Variants in FCHO2 observed in about 807,000 individuals in gnomAD.
The protein encoded by FCHO2 is F-BAR domain only protein 2.
A neutral mutation model predicts 114.1 loss-of-function variants in FCHO2; 43 were observed. The observed-to-expected ratio is 0.38, with a 90% CI of 0.30 to 0.49. The LOEUF (loss-of-function observed/expected upper bound fraction) is 0.49. FCHO2 is among the 20% of genes least tolerant of loss of function. The pLI is 0.97. For synonymous variants in FCHO2, 293 were observed against 315.2 expected (o/e 0.93, Z 0.75); for missense variants, 807 against 950.4 (o/e 0.85, Z 1.98).
At chr5:73,048,088 G>T (rs1561476549) in intron 11 of FCHO2, among the ~76,000 whole-genome samples, 1 of 151,866 alleles carries the variant, frequency 6.6e-6, no homozygotes, top group African/African-American at 2.4e-5. Flanking sequence ...CAATCTTCCT[G>T]CCCTCAGCCT....
Position 73,058,495 on chromosome 5 carries a change from C to A in FCHO2, c.1316C>A (p.Ser439Tyr). Residue 439 changes from serine (S) to tyrosine (Y), a missense_variant, in exon 17 of 26, where the codon TCT becomes TAT. Coordinates refer to ENST00000430046, the MANE Select transcript of FCHO2 (RefSeq NM_138782.3). ...TTTGGACCATCTCTTGATTCATCTT[C>A]TTCATCTTCACTAACTTCATCATCA... ...PLFGPSLDSS[S>Y]SSSLTSSSSA... 1 of 1,529,108 alleles carries A rather than the reference C, an allele frequency of 6.5e-7. No individual in the cohort carries two copies. 94.7% of individuals were successfully genotyped at this position (1,529,108 alleles called of 1,614,324 possible).
chr5:73,020,980 A>G (rs931761007), intron 8 of FCHO2: 9 of 1,597,022 alleles, frequency 5.6e-6, no homozygotes, highest in Non-Finnish European at 7.7e-6. Flanking sequence ...GGGTCCATTC[A>G]CATCTTTGCT....
intron 8 of FCHO2, among the ~76,000 whole-genome samples, chr5:73,028,399 T>C (rs1756053935): frequency 6.6e-6 from 1 of 152,110 alleles, no homozygotes; most frequent in African/African-American, 2.4e-5. Context: ...AAAGGAAATA[T>C]ATGTGCAAAG....
intron 8 of FCHO2, among the ~76,000 whole-genome samples, chr5:73,032,810 C>T (rs1031013946): frequency 3.3e-5 from 5 of 152,118 alleles, no homozygotes; most frequent in African/African-American, 1.2e-4. Flanking sequence ...GAATTTTTGA[C>T]TAACCACATG....
chr5:73,068,044 T>G (rs958946150), intron 18 of FCHO2, among the ~76,000 whole-genome samples: 4 of 151,936 alleles, frequency 2.6e-5, no homozygotes, highest in African/African-American at 7.2e-5. Flanking sequence ...CTGAGGAAAA[T>G]GTGAACAGAT....
intron 22 of FCHO2, among the ~76,000 whole-genome samples, chr5:73,080,569 G>A (rs1035700457): frequency 2.6e-5 from 4 of 152,190 alleles, no homozygotes; most frequent in African/African-American, 9.6e-5. Flanking sequence ...TATGCCTGAA[G>A]AGTCTGGAAG....
intron 18 of FCHO2, 89 bp from the exon 19 acceptor site, chr5:73,068,561 G>A (rs1742476701): frequency 2.1e-6 from 3 of 1,419,254 alleles, no homozygotes; most frequent in Non-Finnish European, 2.9e-6. Context: ...ATTTGGTTTG[G>A]TATGTTAAAT....
Position 72,990,543 on chromosome 5 carries a change from A to C in FCHO2, c.266A>C (p.Asp89Ala). 2 of 1,541,202 alleles carry C rather than the reference A, an allele frequency of 1.3e-6. No homozygotes were observed. Among genetic ancestry groups the C allele is most frequent in the African/African-American group, 2.8e-5 (2 of 72,570 alleles). Residue 89 changes from aspartate to alanine, a missense_variant, in exon 4 of 26, where the codon GAT becomes GCT. Asp to Ala is a moderately radical substitution (Grantham distance 126). Transcript: ENST00000430046. ...STEKLANCHL[D>A]LVRKLQELIK... The stretch of plus-strand genomic sequence containing the variant: ...GAGAAATTAGCAAATTGTCACTTGG[A>C]TCTTGTTAGAAAATTACAAGAATTA...
chr5:73,054,026 C>A, intron 13 of FCHO2, 134 bp from the exon 14 acceptor site: 1 of 500,384 alleles, frequency 2.0e-6, no homozygotes, highest in Non-Finnish European at 3.3e-6. Flanking sequence ...AACTTTTTCC[C>A]ACCTGACAGT....
At chr5:73,077,987 CTT>C (rs1742971865) in intron 21 of FCHO2, among the ~76,000 whole-genome samples, 191 bp from the exon 22 acceptor site, 1 of 151,952 alleles carries the variant, frequency 6.6e-6, no homozygotes. Context: ...TTTTAAGATT[CTT>C]TTCTCTCTCT....
chr5:73,081,755 A>G, intron 22 of FCHO2, 28 bp from the exon 23 acceptor site: 1 of 1,428,748 alleles, frequency 7.0e-7, no homozygotes. Flanking sequence ...CAGGCCAAAA[A>G]CAATTGTTTG....
At chr5:73,032,585 T>C (rs1445854256) in intron 8 of FCHO2, among the ~76,000 whole-genome samples, 1 of 152,180 alleles carries the variant, frequency 6.6e-6, no homozygotes, top group African/African-American at 2.4e-5. Context: ...TTACAAATCT[T>C]TTTTTCTGTA....
chr5:73,045,736 A>G (rs1332620475), intron 11 of FCHO2, among the ~76,000 whole-genome samples: 1 of 152,094 alleles, frequency 6.6e-6, no homozygotes, highest in African/African-American at 2.4e-5. Context: ...ATATTGTTAT[A>G]TTTGAAGTGA....
chr5:72,965,030 G>T (rs1752116793), intron 1 of FCHO2, among the ~76,000 whole-genome samples: 1 of 151,936 alleles, frequency 6.6e-6, no homozygotes, highest in African/African-American at 2.4e-5. Flanking sequence ...TGTATAAAGG[G>T]TTCATGACCA....
At chr5:73,080,178 T>TA (rs1452733009) in intron 22 of FCHO2, among the ~76,000 whole-genome samples, 1 of 152,154 alleles carries the variant, frequency 6.6e-6, no homozygotes, top group Non-Finnish European at 1.5e-5. Flanking sequence ...AATAGACAAA[T>TA]AACCTATGGA....
In FCHO2 at chr5:72,990,724, G is replaced by A; in HGVS notation, c.355G>A (p.Val119Ile). The change falls in exon 5 of 26, where the codon GTT becomes ATT. Residue 119 changes from valine to isoleucine, a missense_variant. Physicochemically the swap from Val to Ile is conservative, Grantham distance 29. Transcript: ENST00000430046. The stretch of plus-strand genomic sequence containing the variant: ...TCATACTAAACAGACTAAAGAAGAA[G>A]TTGCAGGAACTCTGGAAGCTGTCCA... ...VKSHKKTKEEVAGTLEAVQTI... is the reference protein window; with the variant it reads ...VKSHKKTKEEIAGTLEAVQTI... 1 of 1,555,658 alleles carries A rather than the reference G, an allele frequency of 6.4e-7. No homozygotes were observed. The highest frequency in any genetic ancestry group is 8.7e-7 in the Non-Finnish European group (1 of 1,150,448).
In FCHO2 at chr5:73,078,298, G is replaced by T; in HGVS notation, c.1966G>T (p.Val656Leu). The change falls in exon 22 of 26, where the codon GTA (valine) becomes TTA (leucine). Residue 656 changes from valine to leucine, a missense_variant. By Grantham distance (32) the Val-to-Leu change is conservative. Coordinates refer to ENST00000430046, the MANE Select transcript of FCHO2 (RefSeq NM_138782.3). ...AGCTGCTTCTTATTATAATGTAGAT[G>T]TATTAAAGTATCAGGTGAGTGTCAC... ...NPAASYYNVD[V>L]LKYQVSSNGI... 6.3e-7 allele frequency: 1 copy of T among 1,599,690 alleles called. No individual in the cohort carries two copies. Among genetic ancestry groups the T allele is most frequent in the East Asian group, 2.3e-5 (1 of 44,276 alleles).
Position 73,037,234 on chromosome 5 carries a change from G to T in FCHO2, c.914+19G>T. ...AATCTGTGTAAGTATTTTAAATATC[G>T]TCAAAATCCTTTTTGTTTTTATAAG... On this transcript the variant is annotated intron_variant, in intron 10 of 25. Transcript: ENST00000430046. 1 of 1,532,028 alleles carries T rather than the reference G, an allele frequency of 6.5e-7. No homozygotes were observed. The highest frequency in any genetic ancestry group is 8.8e-7 in the Non-Finnish European group (1 of 1,132,880). 94.9% of individuals were successfully genotyped at this position (1,532,028 alleles called of 1,614,324 possible).
chr5:72,956,761 T>C (rs1252110511), intron 1 of FCHO2, among the ~76,000 whole-genome samples: 2 of 152,180 alleles, frequency 1.3e-5, no homozygotes, highest in Non-Finnish European at 2.9e-5. Context: ...TCCTTGGGCT[T>C]AAATGCATGG....
Sources: allele counts gnomAD v4.1 joint callset (sites outside exome capture counted in the v4.1 genomes callset), GRCh38; gene constraint gnomAD v4.1.1; transcripts MANE v1.5; gene names NCBI Gene and HGNC (gene_info 2026-07-23, HGNC 2026-07-21).